The following SRSF5 variants were observed in gnomAD, a reference collection of about 807,000 sequenced individuals.
The protein encoded by SRSF5 is serine and arginine rich splicing factor 5.
In SRSF5, 5 loss-of-function variants were observed where a neutral mutation model predicts 34.0. The ratio of observed to expected loss-of-function variants is 0.15; its 90% CI spans 0.08 to 0.31. The LOEUF is 0.31. Among genes scored for constraint, SRSF5 ranks in the 10% least tolerant of loss-of-function variants. SRSF5 has a pLI of 1.00. For missense variants in SRSF5, 223 were observed against 351.4 expected (o/e 0.63, Z 2.92); for synonymous variants, 164 against 117.7 (o/e 1.39, Z -2.55).
chr14:69,770,937 T>A, intron 6 of SRSF5, 58 bp from the exon 7 acceptor site: 1 of 1,425,740 alleles, frequency 7.0e-7, no homozygotes, highest in Non-Finnish European at 9.7e-7. Flanking sequence ...GACTGCTGTG[T>A]GCAATGTGTG....
chr14:69,767,411 A>G (rs1479920103), intron 1 of SRSF5, 156 bp downstream of exon 1: 2 of 455,652 alleles, frequency 4.4e-6, no homozygotes, highest in East Asian at 7.0e-5. Context: ...CCCTTTTGGC[A>G]TACTGTTTGA....
chr14:69,771,052 A>C lies in SRSF5; in HGVS notation c.498A>C (p.Gly166=), dbSNP rs375429530. The change falls in exon 7 of 8, where the codon GGA becomes GGC. Residue 166 remains glycine (G), a synonymous_variant. Coordinates refer to ENST00000557154, the MANE Select transcript of SRSF5 (RefSeq NM_001320214.2). ...DLKNAIEKLS[G]KEINGRKIKL... is the part of the protein sequence containing the mutation. The stretch of plus-strand genomic sequence containing the variant: ...AGAATGCTATTGAAAAACTTTCTGG[A>C]AAGGAAATAAATGGGAGAAAAATAA... 6.2e-6 allele frequency: 10 copies of C among 1,613,924 alleles called. No homozygotes were observed. The Admixed American group carries it at 8.3e-5, about 13-fold the overall frequency.
chr14:69,771,494 T>TA lies in SRSF5; in HGVS notation c.*39dup. On this transcript the variant is annotated 3_prime_UTR_variant, in exon 8 of 8. Coordinates refer to ENST00000557154, the MANE Select transcript of SRSF5 (RefSeq NM_001320214.2). ...ATAACTTGCCCTGGGGGCCTTTTTT[T>TA]AAAAAACAAAAACCACAAAAATTCC... 2.2e-6 allele frequency: 3 copies of TA among 1,395,066 alleles called. No homozygotes were observed. The highest frequency in any genetic ancestry group is 1.9e-6 in the Non-Finnish European group (2 of 1,052,774). The allele number at this position is 1,395,066 out of a possible 1,614,324, so 86.4% of individuals were successfully genotyped here. A position where few individuals can be genotyped will look rare whatever the true frequency, so the allele number is the denominator to read the frequency against.
At chr14:69,770,320 AT>A in intron 5 of SRSF5, 146 bp from the exon 6 acceptor site, 1 of 1,423,554 alleles carries the variant, frequency 7.0e-7, no homozygotes, top group Non-Finnish European at 9.2e-7. Context: ...TAATTTTTGA[AT>A]TCTGATAGAA....
intron 3 of SRSF5, 34 bp from the exon 4 acceptor site, chr14:69,768,764 G>A (rs1162910400): frequency 6.2e-7 from 1 of 1,612,358 alleles, no homozygotes; most frequent in Non-Finnish European, 8.5e-7. Context: ...TGTAGCTTAA[G>A]TGTGTAACGG....
At position 69,768,564 on chromosome 14, in the gene SRSF5, T is replaced by C. The variant is rs767076296; in HGVS notation, c.127-40T>C. On this transcript the variant is annotated intron_variant, in intron 2 of 7. Coordinates refer to ENST00000557154, the MANE Select transcript of SRSF5 (RefSeq NM_001320214.2). ...GCTCTTAATGTGTTGTAGAATACTC[T>C]TCTAAAGCCAATGTTAAGAGTCTTA... is the stretch of plus-strand genomic sequence containing the variant. 23 of 1,591,620 alleles carry C rather than the reference T, an allele frequency of 1.4e-5. No homozygotes were observed. The South Asian group carries it at 2.3e-4, about 16-fold the overall frequency.
In SRSF5 at chr14:69,769,266, A is replaced by G; in HGVS notation, c.366+15A>G. 1 of 1,613,584 alleles carries G rather than the reference A, an allele frequency of 6.2e-7. No individual in the cohort carries two copies. Among genetic ancestry groups the G allele is most frequent in the Non-Finnish European group, 8.5e-7 (1 of 1,179,692 alleles). ...TCAGCTGGCAGGTTTGTTGAAATAC[A>G]GTTTTGAGTTATTTTGATGTGGCTT... On this transcript the variant is annotated intron_variant, in intron 5 of 7. Transcript: ENST00000557154.
chr14:69,767,243 C>T lies in SRSF5; in HGVS notation c.-32C>T, dbSNP rs960658262. ...CTGTCTGGGTCTCAGCCGCCAAAGA[C>T]CCCGTCCGGTAGGTGAGTGGCTCAC... On this transcript the variant is annotated 5_prime_UTR_variant, in exon 1 of 8. Transcript: ENST00000557154. 14 of 377,232 alleles carry T rather than the reference C, an allele frequency of 3.7e-5. No homozygotes were observed. Among genetic ancestry groups the T allele is most frequent in the Non-Finnish European group, 6.1e-5 (12 of 195,746 alleles). 23.4% of individuals were successfully genotyped at this position (377,232 alleles called of 1,614,324 possible). A position where few individuals can be genotyped will look rare whatever the true frequency, so the allele number is the denominator to read the frequency against.
At chr14:69,767,898 G>T in intron 1 of SRSF5, 1 of 465,478 alleles carries the variant, frequency 2.1e-6, no homozygotes, top group East Asian at 4.3e-5. Context: ...TGCGCAGTTG[G>T]AAAGGTGGCA....
In SRSF5 at chr14:69,771,754, T is replaced by C; in HGVS notation, c.*293T>C. 7.3e-6 allele frequency: 2 copies of C among 275,424 alleles called. No individual in the cohort carries two copies. Among genetic ancestry groups the C allele is most frequent in the Non-Finnish European group, 1.4e-5 (2 of 147,034 alleles). 17.1% of individuals were successfully genotyped at this position (275,424 alleles called of 1,614,324 possible). On this transcript the variant is annotated 3_prime_UTR_variant, in exon 8 of 8. Coordinates refer to ENST00000557154, the MANE Select transcript of SRSF5 (RefSeq NM_001320214.2). ...TCTTTTATAACTAAAGCAAATTTAA[T>C]TTTTTTGTACTAGAAAAAAATTTGA...
At chr14:69,768,968 C>A in intron 4 of SRSF5, 72 bp downstream of exon 4, 1 of 1,505,980 alleles carries the variant, frequency 6.6e-7, no homozygotes, top group Non-Finnish European at 9.2e-7. Flanking sequence ...GAGTCATTAG[C>A]AGTGATGATT....
intron 4 of SRSF5, 106 bp from the exon 5 acceptor site, chr14:69,769,076 G>A: frequency 1.4e-6 from 2 of 1,400,448 alleles, no homozygotes; most frequent in Non-Finnish European, 2.0e-6. Flanking sequence ...ATTGACGGAA[G>A]TCATTAGAAT....
rs1267914721 is a variant in SRSF5 at position 69,767,691 on chromosome 14, C to T, written c.-20+436C>T. The stretch of plus-strand genomic sequence containing the variant: ...TTCCACCGCCGCCATTTTGTGGCCG[C>T]AGAGCGCCCGCCCGCTGCTGTTGGC... On this transcript the variant is annotated intron_variant, in intron 1 of 7. Transcript: ENST00000557154. The T allele has an allele frequency of 2.0e-4, 75 of 366,426 alleles. 1 individual carries two copies. The Admixed American group carries it at 2.6e-3, about 13-fold the overall frequency. The allele number at this position is 366,426 out of a possible 1,614,324, so 22.7% of individuals were successfully genotyped here.
chr14:69,771,674 C>T lies in SRSF5; in HGVS notation c.*213C>T. 1.7e-6 allele frequency: 1 copy of T among 576,362 alleles called. No homozygotes were observed. The highest frequency in any genetic ancestry group is 2.4e-5 in the South Asian group (1 of 41,840). The allele number at this position is 576,362 out of a possible 1,614,324, so 35.7% of individuals were successfully genotyped here. A position where few individuals can be genotyped will look rare whatever the true frequency, so the allele number is the denominator to read the frequency against. On this transcript the variant is annotated 3_prime_UTR_variant, in exon 8 of 8. Coordinates refer to ENST00000557154, the MANE Select transcript of SRSF5 (RefSeq NM_001320214.2). ...TATTAAATGTCTTTTGATAAGCCTT[C>T]TGCTCACATTTTTGTGAATGTCTGA...
Position 69,771,022 on chromosome 14 carries a change from C to T in SRSF5, c.468C>T (p.Asp156=), listed in dbSNP as rs949639232. ...EGVVEFASYG[D]LKNAIEKLSG... ...TGGTTGAGTTTGCCTCTTATGGTGACTTAAAGAATGCTATTGAAAAACTTT... is the reference window on the plus strand; with the variant it reads ...TGGTTGAGTTTGCCTCTTATGGTGATTTAAAGAATGCTATTGAAAAACTTT... Residue 156 remains aspartate, a synonymous_variant, in exon 7 of 8, where the codon GAC becomes GAT. Coordinates refer to ENST00000557154, the MANE Select transcript of SRSF5 (RefSeq NM_001320214.2). The T allele has an allele frequency of 6.2e-7, 1 of 1,613,574 alleles. No individual in the cohort carries two copies. Among genetic ancestry groups the T allele is most frequent in the Non-Finnish European group, 8.5e-7 (1 of 1,179,898 alleles).
intron 6 of SRSF5, 182 bp from the exon 7 acceptor site, chr14:69,770,810 CAAT>C: frequency 1.5e-6 from 1 of 669,226 alleles, no homozygotes; most frequent in East Asian, 2.7e-5. Flanking sequence ...ACCCCCTCAA[CAAT>C]GAATTGGCTC....
intron 6 of SRSF5, chr14:69,770,763 C>T (rs1436031537): frequency 3.1e-6 from 2 of 635,822 alleles, no homozygotes; most frequent in Admixed American, 3.0e-5. Context: ...TCAGTAGGGG[C>T]TAGGCATCCT....
In SRSF5 at chr14:69,770,674, C is replaced by G. The variant is rs2066655462; in HGVS notation, c.440+134C>G. ...GAGACAATTTTGCTGCTTCCCTCCT[C>G]CCCCCCACACCTTTGGCAGTGTCTG... On this transcript the variant is annotated intron_variant, in intron 6 of 7. Transcript: ENST00000557154. 3.8e-6 allele frequency: 3 copies of G among 783,866 alleles called. No homozygotes were observed. In the East Asian group the frequency reaches 8.2e-5, roughly 21 times the overall value. The allele number at this position is 783,866 out of a possible 1,614,324, so 48.6% of individuals were successfully genotyped here. A position where few individuals can be genotyped will look rare whatever the true frequency, so the allele number is the denominator to read the frequency against.
chr14:69,770,170 G>GTTGTTTTTTTGT, intron 5 of SRSF5: 1 of 1,094,568 alleles, frequency 9.1e-7, no homozygotes, highest in Non-Finnish European at 1.1e-6. Flanking sequence ...TTCCTTTTTT[G>GTTGTTTTTTTGT]TTGTTTTTTT....
Sources: gnomAD v4.1 joint callset for allele counts on GRCh38, gnomAD v4.1.1 for gene constraint, MANE v1.5 for transcripts, NCBI Gene and HGNC (gene_info 2026-07-23, HGNC 2026-07-21) for gene names.